Variants in TBC1D32 observed in about 807,000 individuals in gnomAD.
The protein encoded by TBC1D32 is TBC1 domain family member 32.
Under a neutral mutation model 170.3 loss-of-function variants are expected in TBC1D32, and 151 were observed. That is an observed-to-expected ratio of 0.89 (90% CI 0.78 to 1.01). The LOEUF (loss-of-function observed/expected upper bound fraction) is 1.01, where lower values mean the gene tolerates loss of function less well. Among genes scored for constraint, TBC1D32 ranks in the 50% least tolerant of loss-of-function variants. The pLI is 0.00. For missense variants in TBC1D32, 1,464 were observed against 1,457.1 expected (o/e 1.00, Z -0.08); for synonymous variants, 498 against 488.0 (o/e 1.02, Z -0.27).
chr6:121,208,729 G>GAAAAAAAAAAAAAAAAAAAAAA (rs57771111), intron 21 of TBC1D32, among the ~76,000 whole-genome samples: 2 of 86,896 alleles, frequency 2.3e-5, no homozygotes, highest in African/African-American at 3.6e-5. Flanking sequence ...GAAACACCTG[G>GAAAAAAAAAAAAAAAAAAAAAA]AAAAAAAAAA....
intron 29 of TBC1D32, among the ~76,000 whole-genome samples, chr6:121,108,585 G>A (rs1358184551): frequency 1.3e-5 from 2 of 151,896 alleles, no homozygotes; most frequent in Non-Finnish European, 2.9e-5. Context: ...ATAACATGAA[G>A]CAAGGACTTT....
chr6:121,122,970 A>G (rs777130175), intron 26 of TBC1D32, among the ~76,000 whole-genome samples: 84 of 152,234 alleles, frequency 5.5e-4, no homozygotes, highest in Non-Finnish European at 1.1e-3. Context: ...GTCAATGGTG[A>G]GAAATGGCAG....
chr6:121,201,369 G>GA (rs1457515961), intron 22 of TBC1D32, among the ~76,000 whole-genome samples: 1 of 151,406 alleles, frequency 6.6e-6, no homozygotes, highest in Non-Finnish European at 1.5e-5. Flanking sequence ...TCTGACTCAT[G>GA]ACGGTGGGTT....
chr6:121,162,546 T>A (rs1328324458), intron 22 of TBC1D32, among the ~76,000 whole-genome samples: 8 of 152,164 alleles, frequency 5.3e-5, no homozygotes. Context: ...TTGGAAATTC[T>A]AGCCAGGGCA....
At chr6:121,264,227 A>G (rs975392890) in intron 15 of TBC1D32, among the ~76,000 whole-genome samples, 2 of 152,156 alleles carry the variant, frequency 1.3e-5, no homozygotes, top group Non-Finnish European at 2.9e-5. Context: ...TAGATGCAAT[A>G]AAAAATGAAA....
chr6:121,168,325 A>C, intron 22 of TBC1D32, among the ~76,000 whole-genome samples: 1 of 141,606 alleles, frequency 7.1e-6, no homozygotes, highest in African/African-American at 2.6e-5. Flanking sequence ...ATGTCCAACA[A>C]TGATAGACTG....
chr6:121,231,513 G>A (rs891666551), intron 20 of TBC1D32, among the ~76,000 whole-genome samples: 3 of 152,062 alleles, frequency 2.0e-5, no homozygotes, highest in African/African-American at 2.4e-5. Context: ...TCCCATAGTG[G>A]TTATACTAGT....
At chr6:121,132,709 G>A (rs1025421782) in intron 24 of TBC1D32, among the ~76,000 whole-genome samples, 1 of 151,912 alleles carries the variant, frequency 6.6e-6, no homozygotes, top group African/African-American at 2.4e-5. Context: ...GCTAAAGAAA[G>A]TATTTATGGC....
At chr6:121,176,250 G>C (rs1212444579) in intron 22 of TBC1D32, among the ~76,000 whole-genome samples, 1 of 152,078 alleles carries the variant, frequency 6.6e-6, no homozygotes, top group Non-Finnish European at 1.5e-5. Flanking sequence ...ACCTTCTTAG[G>C]AAAGACCTAA....
intron 4 of TBC1D32, among the ~76,000 whole-genome samples, chr6:121,308,727 C>T (rs762817704): frequency 3.1e-5 from 4 of 127,846 alleles, no homozygotes; most frequent in African/African-American, 3.3e-5. Flanking sequence ...CTCGCTCTGT[C>T]GCCCAGGCCA....
chr6:121,307,198 G>A (rs1412420667), intron 5 of TBC1D32, among the ~76,000 whole-genome samples: 1 of 150,918 alleles, frequency 6.6e-6, no homozygotes, highest in East Asian at 2.0e-4. Context: ...AATGTGGTGA[G>A]GCTCCATCTC....
At chr6:121,288,543 G>C (rs1804273425) in intron 12 of TBC1D32, among the ~76,000 whole-genome samples, 1 of 152,164 alleles carries the variant, frequency 6.6e-6, no homozygotes, top group South Asian at 2.1e-4. Flanking sequence ...TCCAGGACCA[G>C]ATGGATTCAC....
At chr6:121,116,636 C>G (rs1275592297) in intron 26 of TBC1D32, among the ~76,000 whole-genome samples, 1 of 152,124 alleles carries the variant, frequency 6.6e-6, no homozygotes, top group South Asian at 2.1e-4. Context: ...GCATTCCCAT[C>G]ATGATGTGTT....
chr6:121,244,205 A>G (rs1480424582), intron 17 of TBC1D32, among the ~76,000 whole-genome samples: 2 of 152,046 alleles, frequency 1.3e-5, no homozygotes, highest in African/African-American at 2.4e-5. Context: ...ATAAATAAAT[A>G]TACAAGTAAA....
intron 17 of TBC1D32, 135 bp from the exon 18 acceptor site, chr6:121,242,474 A>G: frequency 1.4e-6 from 1 of 733,230 alleles, no homozygotes; most frequent in East Asian, 3.1e-5. Context: ...TTAATCAATA[A>G]AGGTTTAAAA....
intron 1 of TBC1D32, among the ~76,000 whole-genome samples, chr6:121,326,883 C>A (rs1285533412): frequency 6.6e-6 from 1 of 152,140 alleles, no homozygotes; most frequent in Non-Finnish European, 1.5e-5. Context: ...ACTTTCAGAG[C>A]CTCCAATTCC....
chr6:121,147,362 G>A (rs1245427411), intron 24 of TBC1D32, among the ~76,000 whole-genome samples: 1 of 152,144 alleles, frequency 6.6e-6, no homozygotes, highest in Non-Finnish European at 1.5e-5. Flanking sequence ...TTGAAGGGCA[G>A]TTCTGTTTTA....
intron 30 of TBC1D32, among the ~76,000 whole-genome samples, chr6:121,094,323 A>G (rs369713254): frequency 2.0e-5 from 3 of 151,816 alleles, no homozygotes; most frequent in African/African-American, 4.8e-5. Flanking sequence ...GTGTGCCAAG[A>G]CCCCAGCTAA....
In TBC1D32 at chr6:121,284,986, G is replaced by A. The variant is rs151215384; in HGVS notation, c.1373-1076C>T. ...ATAAGGCAATGTCTTTTCTCAAGGAGCTCACAATCAATGAGAAGAAAAGAT... is the reference window on the plus strand; with the variant it reads ...ATAAGGCAATGTCTTTTCTCAAGGAACTCACAATCAATGAGAAGAAAAGAT... On this transcript the variant is annotated intron_variant, in intron 12 of 31. Coordinates refer to ENST00000398212, the MANE Select transcript of TBC1D32 (RefSeq NM_152730.6). Among the ~76,000 whole-genome samples, 8 of 152,190 alleles carry A rather than the reference G, an allele frequency of 5.3e-5. No homozygotes were observed. In the East Asian group the frequency reaches 1.5e-3, roughly 29 times the overall value.
Sources: gnomAD v4.1 joint callset for allele counts (sites outside exome capture counted in the v4.1 genomes callset) on GRCh38, gnomAD v4.1.1 for gene constraint, MANE v1.5 for transcripts, NCBI Gene and HGNC (gene_info 2026-07-23, HGNC 2026-07-21) for gene names.